GPC5: variants seen among roughly 807,000 people sequenced by gnomAD.
GPC5 encodes glypican-5.
GPC5 carries 47 observed loss-of-function variants against 53.9 expected under a neutral mutation model. The ratio of observed to expected loss-of-function variants is 0.87; its 90% confidence interval spans 0.69 to 1.11. The LOEUF is 1.11. GPC5 is among the 50% of genes most tolerant of loss of function. The probability of loss-of-function intolerance (pLI) is 0.00; values close to 1 mark genes in which losing one functional copy is unlikely to be tolerated. For missense variants in GPC5, 748 were observed against 713.1 expected, an observed-to-expected ratio of 1.05 and a Z score of -0.56; for synonymous variants, 286 against 263.3, an observed-to-expected ratio of 1.09 and a Z score of -0.84.
At chr13:92,711,842 G>C (rs1031874378) in intron 7 of GPC5, among the ~76,000 whole-genome samples, 13 of 151,820 alleles carry the variant, frequency 8.6e-5, no homozygotes, top group Non-Finnish European at 1.5e-4. Flanking sequence ...TAAACAGCAA[G>C]TTTCAAGAGA....
intron 5 of GPC5, among the ~76,000 whole-genome samples, chr13:91,781,426 T>A (rs191695122): frequency 3.9e-5 from 6 of 152,354 alleles, no homozygotes; most frequent in Admixed American, 3.9e-4. Context: ...CTAACAAATC[T>A]AACCTTTTAT....
At chr13:92,521,189 T>C (rs1003364155) in intron 7 of GPC5, among the ~76,000 whole-genome samples, 4 of 152,076 alleles carry the variant, frequency 2.6e-5, no homozygotes, top group East Asian at 1.9e-4. Context: ...ATCATGAAAA[T>C]GGCCATACTG....
At chr13:92,864,281 C>A (rs868009695) in intron 7 of GPC5, among the ~76,000 whole-genome samples, 1 of 152,102 alleles carries the variant, frequency 6.6e-6, no homozygotes, top group Admixed American at 6.6e-5. Flanking sequence ...ATTAGTAACA[C>A]CTTAATGTAA....
chr13:92,559,463 G>A (rs1195549210), intron 7 of GPC5, among the ~76,000 whole-genome samples: 2 of 151,352 alleles, frequency 1.3e-5, no homozygotes, highest in Admixed American at 6.6e-5. Context: ...CCCTCCTGCC[G>A]CTACTCAATT....
At chr13:91,948,052 C>T (rs2039989898) in intron 6 of GPC5, among the ~76,000 whole-genome samples, 1 of 151,784 alleles carries the variant, frequency 6.6e-6, no homozygotes. Flanking sequence ...CACGGTGAAA[C>T]CCCGTCTCTA....
At chr13:92,141,673 G>A (rs1264245563) in intron 6 of GPC5, among the ~76,000 whole-genome samples, 1 of 152,058 alleles carries the variant, frequency 6.6e-6, no homozygotes, top group African/African-American at 2.4e-5. Context: ...TCCATTTACT[G>A]CTCACTATTC....
intron 2 of GPC5, among the ~76,000 whole-genome samples, chr13:91,614,711 T>C (rs992681057): frequency 1.3e-5 from 2 of 152,120 alleles, no homozygotes; most frequent in Admixed American, 6.6e-5. Flanking sequence ...AATCTGACAG[T>C]GGAGTTATAA....
intron 7 of GPC5, among the ~76,000 whole-genome samples, chr13:92,691,521 G>A (rs11616502): frequency 0.071 from 10,741 of 151,158 alleles, 765 homozygotes; most frequent in East Asian, 0.31. Flanking sequence ...GAAATCACCC[G>A]TCTTCTGCGT....
At chr13:92,260,364 T>G (rs1324834247) in intron 7 of GPC5, among the ~76,000 whole-genome samples, 1 of 152,188 alleles carries the variant, frequency 6.6e-6, no homozygotes, top group Non-Finnish European at 1.5e-5. Context: ...GCATCTCTCA[T>G]CTTCATTCCT....
At chr13:91,400,283 T>C (rs1437845511) in intron 1 of GPC5, among the ~76,000 whole-genome samples, 1 of 152,178 alleles carries the variant, frequency 6.6e-6, no homozygotes, top group African/African-American at 2.4e-5. Flanking sequence ...GTGTGAGCTG[T>C]AGCCGCTTTT....
intron 6 of GPC5, among the ~76,000 whole-genome samples, chr13:92,084,737 T>A (rs2041322851): frequency 6.6e-6 from 1 of 152,244 alleles, no homozygotes; most frequent in South Asian, 2.1e-4. Flanking sequence ...GGTATATATT[T>A]GTATACAGTA....
intron 7 of GPC5, among the ~76,000 whole-genome samples, chr13:92,395,501 G>A (rs1875227065): frequency 6.6e-6 from 1 of 151,936 alleles, no homozygotes; most frequent in Non-Finnish European, 1.5e-5. Flanking sequence ...TATCTTCTAG[G>A]TACATTTACA....
chr13:91,989,640 G>A (rs1052361249), intron 6 of GPC5, among the ~76,000 whole-genome samples: 2 of 152,040 alleles, frequency 1.3e-5, no homozygotes, highest in Admixed American at 6.6e-5. Flanking sequence ...AATATAAAAG[G>A]CATGTCATTT....
intron 7 of GPC5, among the ~76,000 whole-genome samples, chr13:92,475,173 T>C (rs1184653453): frequency 1.3e-5 from 2 of 151,916 alleles, no homozygotes; most frequent in Non-Finnish European, 2.9e-5. Context: ...TAGGATTGAC[T>C]TGGCGATGCG....
intron 5 of GPC5, among the ~76,000 whole-genome samples, chr13:91,758,286 G>A (rs1172122969): frequency 6.6e-6 from 1 of 151,898 alleles, no homozygotes; most frequent in African/African-American, 2.4e-5. Flanking sequence ...GTTTGACATA[G>A]TATTTTTTCA....
intron 2 of GPC5, among the ~76,000 whole-genome samples, chr13:91,585,882 T>A (rs2032545719): frequency 6.6e-6 from 1 of 152,014 alleles, no homozygotes. Flanking sequence ...AGTTAAATTT[T>A]GAAAAAAGAA....
At chr13:91,907,838 C>A in intron 5 of GPC5, 99 bp from the exon 6 acceptor site, 1 of 1,259,132 alleles carries the variant, frequency 7.9e-7, no homozygotes, top group Non-Finnish European at 1.1e-6. Flanking sequence ...GGTGTATTCT[C>A]TAAAGGAGGA....
At chr13:92,500,208 C>G (rs1324580414) in intron 7 of GPC5, among the ~76,000 whole-genome samples, 1 of 152,140 alleles carries the variant, frequency 6.6e-6, no homozygotes, top group African/African-American at 2.4e-5. Flanking sequence ...TCCCACAGAC[C>G]CTGACCCAAC....
intron 7 of GPC5, among the ~76,000 whole-genome samples, chr13:92,392,172 T>G (rs962849390): frequency 6.6e-6 from 1 of 152,248 alleles, no homozygotes; most frequent in South Asian, 2.1e-4. Context: ...TTTTTCTAAA[T>G]CCCAGAAAAT....
Sources: gnomAD v4.1 joint callset for allele counts (sites outside exome capture counted in the v4.1 genomes callset) on GRCh38, gnomAD v4.1.1 for gene constraint, MANE v1.5 for transcripts, NCBI Gene and HGNC (gene_info 2026-07-23, HGNC 2026-07-21) for gene names.